CACNG5: variants seen among roughly 807,000 people sequenced by gnomAD.
The protein encoded by CACNG5 is voltage-dependent calcium channel gamma-5 subunit.
A neutral mutation model predicts 24.8 loss-of-function variants in CACNG5; 18 were observed. That is an observed-to-expected ratio of 0.73 (90% CI 0.50 to 1.08). CACNG5 has a LOEUF of 1.08. CACNG5 is among the 50% of genes least tolerant of loss of function. The pLI is 0.00. For synonymous variants in CACNG5, 157 were observed against 149.1 expected, an observed-to-expected ratio of 1.05 and a Z score of -0.39; for missense variants, 349 against 367.9, an observed-to-expected ratio of 0.95 and a Z score of 0.42.
intron 3 of CACNG5, among the ~76,000 whole-genome samples, chr17:66,880,185 G>A (rs986193327): frequency 1.3e-5 from 2 of 151,992 alleles, no homozygotes; most frequent in Non-Finnish European, 1.5e-5. Context: ...TGGTGAATCT[G>A]CCTGGAAGAG....
In CACNG5 at chr17:66,891,544, C is replaced by T. The variant is rs929473850; in HGVS notation, c.*6304C>T. ...CTTTGCACACGGTCTCTTCTTAAGG[C>T]CTGGTCTTCCTCATAGGGTGACAGC... On this transcript the variant is annotated 3_prime_UTR_variant, in exon 6 of 6. Coordinates refer to ENST00000533854, the MANE Select transcript of CACNG5 (RefSeq NM_145811.3). Among the ~76,000 whole-genome samples, 20 of 152,140 alleles carry T rather than the reference C, an allele frequency of 1.3e-4. No homozygotes were observed. Among genetic ancestry groups the T allele is most frequent in the Admixed American group, 8.5e-4 (13 of 15,278 alleles).
intron 1 of CACNG5, among the ~76,000 whole-genome samples, chr17:66,867,811 T>G (rs1274162112): frequency 6.6e-6 from 1 of 152,090 alleles, no homozygotes; most frequent in Non-Finnish European, 1.5e-5. Flanking sequence ...GAGATATCTA[T>G]TCTGTTACAT....
rs1177365758 is a variant in CACNG5, at chr17:66,877,675, C to A, written c.196+147C>A. 1.1e-5 allele frequency: 7 copies of A among 662,988 alleles called. No individual in the cohort carries two copies. In the Admixed American group the frequency reaches 1.7e-4, roughly 17 times the overall value. 41.1% of individuals were successfully genotyped at this position (662,988 alleles called of 1,614,324 possible). A position where few individuals can be genotyped will look rare whatever the true frequency, so the allele number is the denominator to read the frequency against. The stretch of plus-strand genomic sequence containing the variant: ...TATATATGGCGGGTGGTGCTCCCTG[C>A]AGTGACTGGGACCCCATTCCAAACT... On this transcript the variant is annotated intron_variant, in intron 2 of 5. Transcript: ENST00000533854.
Position 66,885,942 on chromosome 17 carries a change from T to C in CACNG5, c.*702T>C, listed in dbSNP as rs978487484. Among the ~76,000 whole-genome samples, 1 of 152,174 alleles carries C rather than the reference T, an allele frequency of 6.6e-6. No homozygotes were observed. The highest frequency in any genetic ancestry group is 2.4e-5 in the African/African-American group (1 of 41,444). On this transcript the variant is annotated 3_prime_UTR_variant, in exon 6 of 6. Coordinates refer to ENST00000533854, the MANE Select transcript of CACNG5 (RefSeq NM_145811.3). ...TGGCTCTGAGGCCACACTGATGAAG[T>C]CACAAAGAGGTGTTAATGGCTGAAG... is the stretch of plus-strand genomic sequence containing the variant.
At chr17:66,875,273 G>A (rs372573025) in intron 1 of CACNG5, among the ~76,000 whole-genome samples, 32 of 152,210 alleles carry the variant, frequency 2.1e-4, no homozygotes, top group African/African-American at 2.9e-4. Flanking sequence ...GTTGCATGGA[G>A]AATGATTTGG....
chr17:66,856,545 C>CT (rs60304454), intron 1 of CACNG5, among the ~76,000 whole-genome samples: 51,801 of 142,746 alleles, frequency 0.36, 10,002 homozygotes, highest in African/African-American at 0.5. Context: ...GCCCCCCCGC[C>CT]TTTTTTTTTT....
At chr17:66,872,280 T>C (rs934136536) in intron 1 of CACNG5, among the ~76,000 whole-genome samples, 4 of 152,144 alleles carry the variant, frequency 2.6e-5, no homozygotes, top group African/African-American at 9.7e-5. Flanking sequence ...TAGCAACTTA[T>C]AAAAAATGGC....
intron 1 of CACNG5, among the ~76,000 whole-genome samples, chr17:66,876,886 G>A (rs1013452218): frequency 3.9e-5 from 6 of 152,144 alleles, no homozygotes; most frequent in Non-Finnish European, 8.8e-5. Context: ...ATTGCTTTGG[G>A]GGTGCCTTTG....
intron 1 of CACNG5, among the ~76,000 whole-genome samples, chr17:66,865,219 T>C (rs1403986896): frequency 6.6e-6 from 1 of 152,226 alleles, no homozygotes; most frequent in Non-Finnish European, 1.5e-5. Context: ...TATTTTTTAA[T>C]GTTATTTTTG....
rs1455370534 is a variant in CACNG5 at position 66,885,257 on chromosome 17, T to A, written c.*17T>A. The A allele has an allele frequency of 2.6e-6, 4 of 1,552,864 alleles. No individual in the cohort carries two copies. In the Admixed American group the frequency reaches 5.4e-5, roughly 21 times the overall value. The stretch of plus-strand genomic sequence containing the variant: ...CCCTGCTGAGCCTCGGCCGCCCCCA[T>A]CCCTGGACTGTGGGTGGCCAGACAA... On this transcript the variant is annotated 3_prime_UTR_variant, in exon 6 of 6. Transcript: ENST00000533854.
At chr17:66,847,549 C>G (rs886350740) in intron 1 of CACNG5, among the ~76,000 whole-genome samples, 1 of 117,120 alleles carries the variant, frequency 8.5e-6, no homozygotes, top group Admixed American at 9.4e-5. Flanking sequence ...AAAAACCCAC[C>G]CCCATGACTC....
chr17:66,861,986 G>A (rs1393390684), intron 1 of CACNG5, among the ~76,000 whole-genome samples: 1 of 152,194 alleles, frequency 6.6e-6, no homozygotes, highest in African/African-American at 2.4e-5. Context: ...GTGGGAGTTG[G>A]GTGGTGGCTC....
Position 66,884,600 on chromosome 17 carries a change from A to C in CACNG5, c.509A>C (p.Tyr170Ser), listed in dbSNP as rs1275869049. The C allele has an allele frequency of 1.2e-6, 2 of 1,614,074 alleles. No homozygotes were observed. The highest frequency in any genetic ancestry group is 2.7e-5 in the African/African-American group (2 of 74,996). Residue 170 changes from tyrosine to serine, a missense_variant, in exon 5 of 6, where the codon TAC (tyrosine) becomes TCC (serine). Tyr to Ser is a moderately radical substitution (Grantham distance 144, BLOSUM62 -2). Coordinates refer to ENST00000533854, the MANE Select transcript of CACNG5 (RefSeq NM_145811.3). ...AACAGGACCAAGGATGCAGAGACCT[A>C]CTTCAACTACAAGTATGGGTGGTCG... ...MLNRTKDAET[Y>S]FNYKYGWSFA...
At chr17:66,869,805 T>A (rs969175477) in intron 1 of CACNG5, among the ~76,000 whole-genome samples, 5 of 152,136 alleles carry the variant, frequency 3.3e-5, no homozygotes, top group Non-Finnish European at 5.9e-5. Context: ...GGTATAAGGC[T>A]GGGGGCGGTG....
At position 66,887,539 on chromosome 17, in the gene CACNG5, A is replaced by G. The variant is rs1977280202; in HGVS notation, c.*2299A>G. On this transcript the variant is annotated 3_prime_UTR_variant, in exon 6 of 6. Transcript: ENST00000533854. ...AATCAGTTTTTGTGCTTGGAGACAG[A>G]TAGCGTTTCCAAACTGGACAATCAT... Among the ~76,000 whole-genome samples the G allele has an allele frequency of 1.3e-5, 2 of 152,204 alleles. No individual in the cohort carries two copies. Among genetic ancestry groups the G allele is most frequent in the Admixed American group, 1.3e-4 (2 of 15,278 alleles).
intron 1 of CACNG5, among the ~76,000 whole-genome samples, chr17:66,871,098 C>T (rs186914690): frequency 1.3e-5 from 2 of 152,212 alleles, no homozygotes; most frequent in Admixed American, 1.3e-4. Context: ...AGAGGAGTGT[C>T]AAAGATTTTG....
intron 1 of CACNG5, among the ~76,000 whole-genome samples, chr17:66,866,541 C>T (rs1976933027): frequency 6.6e-6 from 1 of 152,124 alleles, no homozygotes. Flanking sequence ...TGGTTTGCCA[C>T]ACCTATCAAC....
intron 4 of CACNG5, among the ~76,000 whole-genome samples, chr17:66,882,659 C>T (rs538777905): frequency 7.9e-5 from 12 of 152,056 alleles, no homozygotes; most frequent in South Asian, 2.1e-4. Flanking sequence ...TTAGGTGCCC[C>T]GGATGACTGA....
chr17:66,880,702 G>A lies in CACNG5; in HGVS notation c.424+5G>A. 6.2e-7 allele frequency: 1 copy of A among 1,612,818 alleles called. No homozygotes were observed. ...GCATCTTCTTTATCCTCTCAGGTAA[G>A]TTGTGTTGTTTTCTTTTCTTGCACC... On this transcript the variant is annotated splice_donor_5th_base_variant and intron_variant, in intron 4 of 5. Coordinates refer to ENST00000533854, the MANE Select transcript of CACNG5 (RefSeq NM_145811.3).
Sources: allele counts gnomAD v4.1 joint callset (sites outside exome capture counted in the v4.1 genomes callset), GRCh38; gene constraint gnomAD v4.1.1; transcripts MANE v1.5; gene names NCBI Gene and HGNC (gene_info 2026-07-23, HGNC 2026-07-21).